The following TSNARE1 variants were observed in gnomAD, a reference collection of about 807,000 sequenced individuals.
TSNARE1 encodes t-SNARE domain containing 1.
TSNARE1 carries 49 observed loss-of-function variants against 62.0 expected under a neutral mutation model. That is an observed-to-expected ratio of 0.79 (90% confidence interval 0.63 to 1.00). The LOEUF (loss-of-function observed/expected upper bound fraction) is 1.00. Ranked by LOEUF, TSNARE1 falls within the 50% of genes least tolerant of loss-of-function variation. The pLI is 0.00. For synonymous variants in TSNARE1, 328 were observed against 294.4 expected (o/e 1.11, Z -1.17); for missense variants, 755 against 700.1 (o/e 1.08, Z -0.88).
Position 142,380,113 on chromosome 8 carries a change from A to G in TSNARE1, c.-40+22991T>C, listed in dbSNP as rs535819697. Among the ~76,000 whole-genome samples the G allele has an allele frequency of 1.3e-4, 20 of 152,330 alleles. 2 individuals are homozygous for G. The South Asian group carries it at 4.1e-3, about 32-fold the overall frequency. ...GGGAGGTGGGTGGACACCAAGGCCA[A>G]GCTTTGTCCAGGGCGTACCACGTCA... On this transcript the variant is annotated intron_variant, in intron 1 of 13. Coordinates refer to ENST00000524325, the MANE Select transcript of TSNARE1 (RefSeq NM_145003.5).
intron 10 of TSNARE1, among the ~76,000 whole-genome samples, chr8:142,287,195 C>T (rs1269354622): frequency 1.1e-4 from 17 of 148,076 alleles, no homozygotes; most frequent in Admixed American, 8.0e-4. Flanking sequence ...CCCAGGACCC[C>T]GGCCAGATCT....
At chr8:142,278,679 T>C (rs2130721837) in intron 11 of TSNARE1, 2 of 985,348 alleles carry the variant, frequency 2.0e-6, no homozygotes, top group South Asian at 4.7e-5. Context: ...AGACGAGGCC[T>C]GACCAGACAG....
At chr8:142,396,638 T>G (rs1587154457) in intron 1 of TSNARE1, among the ~76,000 whole-genome samples, 2 of 152,142 alleles carry the variant, frequency 1.3e-5, no homozygotes, top group Admixed American at 1.3e-4. Flanking sequence ...GATCGCCAGG[T>G]GGGCCGGGCA....
Position 142,236,480 on chromosome 8 carries a change from C to T in TSNARE1, c.1447-6901G>A, listed in dbSNP as rs141636537. Among the ~76,000 whole-genome samples, 27 of 152,248 alleles carry T rather than the reference C, an allele frequency of 1.8e-4. 2 individuals carry two copies. Among genetic ancestry groups the T allele is most frequent in the African/African-American group, 6.5e-4 (27 of 41,542 alleles). ...TCCCTATGCTAAGCAACCTCCCGGG[C>T]TCCTCAGGCATGAGAAATCCCCCAA... On this transcript the variant is annotated intron_variant, in intron 12 of 13. Coordinates refer to ENST00000524325, the MANE Select transcript of TSNARE1 (RefSeq NM_145003.5).
chr8:142,353,827 C>T (rs1366504981), intron 2 of TSNARE1, among the ~76,000 whole-genome samples: 1 of 152,082 alleles, frequency 6.6e-6, no homozygotes, highest in Non-Finnish European at 1.5e-5. Flanking sequence ...GCTCACTCCC[C>T]AGCAGAGAAG....
intron 1 of TSNARE1, among the ~76,000 whole-genome samples, chr8:142,389,081 G>A (rs888242144): frequency 2.6e-5 from 4 of 152,166 alleles, no homozygotes; most frequent in African/African-American, 9.7e-5. Context: ...AGGATAGAGA[G>A]CCCAGAAATA....
At chr8:142,357,037 G>C (rs773840743) in intron 1 of TSNARE1, among the ~76,000 whole-genome samples, 5 of 151,958 alleles carry the variant, frequency 3.3e-5, no homozygotes, top group Admixed American at 2.0e-4. Flanking sequence ...AGGCAGAGCG[G>C]GGGCCTCCAG....
At chr8:142,222,605 C>G (rs186081684) in intron 13 of TSNARE1, among the ~76,000 whole-genome samples, 8 of 32,374 alleles carry the variant, frequency 2.5e-4, no homozygotes, top group Non-Finnish European at 5.1e-4. Flanking sequence ...TTCATCCACT[C>G]ACTCATTCAT....
intron 6 of TSNARE1, among the ~76,000 whole-genome samples, chr8:142,330,129 G>A (rs1002717862): frequency 4.6e-5 from 7 of 152,354 alleles, no homozygotes; most frequent in East Asian, 1.9e-4. Context: ...TTGGAGCTGC[G>A]GGCATCCCGC....
At chr8:142,244,524 G>A (rs1189505773) in intron 12 of TSNARE1, among the ~76,000 whole-genome samples, 4 of 152,308 alleles carry the variant, frequency 2.6e-5, no homozygotes, top group Middle Eastern at 3.4e-3. Context: ...ACTCACCATC[G>A]TGAGGATAAG....
chr8:142,277,433 G>A (rs1418611251), intron 11 of TSNARE1: 3 of 985,260 alleles, frequency 3.0e-6, no homozygotes, highest in African/African-American at 1.7e-5. Context: ...CAGCCCCACA[G>A]CCGTGACCAG....
chr8:142,283,837 G>C (rs185831092), intron 11 of TSNARE1, among the ~76,000 whole-genome samples: 11 of 132,388 alleles, frequency 8.3e-5, no homozygotes, highest in African/African-American at 3.1e-4. Context: ...CTGTCAATGA[G>C]CAGAGGCAGG....
At chr8:142,352,762 A>C (rs1834271234) in intron 2 of TSNARE1, among the ~76,000 whole-genome samples, 1 of 152,228 alleles carries the variant, frequency 6.6e-6, no homozygotes. Context: ...ACGCATAAGC[A>C]AAACCGTGAA....
Position 142,354,620 on chromosome 8 carries a change from C to A in TSNARE1, c.88+17G>T. ...CATCCCCTCCTCCCCGCCCCCACTT[C>A]CAGCTACTATCATTACCTAGGGGCT... On this transcript the variant is annotated intron_variant, in intron 2 of 13. Transcript: ENST00000524325. The A allele has an allele frequency of 6.3e-7, 1 of 1,588,186 alleles. No homozygotes were observed. The highest frequency in any genetic ancestry group is 8.6e-7 in the Non-Finnish European group (1 of 1,159,078).
chr8:142,281,131 G>A (rs547436307), intron 11 of TSNARE1, among the ~76,000 whole-genome samples: 3 of 152,282 alleles, frequency 2.0e-5, no homozygotes, highest in African/African-American at 7.2e-5. Flanking sequence ...CCAAGGTGAG[G>A]CCACAGCTCA....
At chr8:142,285,723 G>A (rs746869275) in intron 10 of TSNARE1, among the ~76,000 whole-genome samples, 3 of 152,156 alleles carry the variant, frequency 2.0e-5, no homozygotes, top group Non-Finnish European at 2.9e-5. Context: ...GAACAGAAAC[G>A]TGGGCCAGGA....
intron 11 of TSNARE1, 134 bp from the exon 12 acceptor site, chr8:142,274,997 G>A (rs556577382): frequency 1.2e-5 from 17 of 1,375,684 alleles, no homozygotes; most frequent in South Asian, 8.7e-5. Flanking sequence ...AGGGATGGGC[G>A]CTGGGCTGCC....
At chr8:142,226,940 G>A (rs1378510057) in intron 13 of TSNARE1, among the ~76,000 whole-genome samples, 9 of 137,558 alleles carry the variant, frequency 6.5e-5, no homozygotes, top group African/African-American at 1.1e-4. Context: ...CAACCCCAGT[G>A]ACAGCCAGGA....
chr8:142,328,685 G>T (rs996517048), intron 6 of TSNARE1, among the ~76,000 whole-genome samples: 1 of 152,202 alleles, frequency 6.6e-6, no homozygotes, highest in Admixed American at 6.5e-5. Context: ...TCTCCAGATC[G>T]TGACGGCCCC....
Sources: allele counts gnomAD v4.1 joint callset (sites outside exome capture counted in the v4.1 genomes callset), GRCh38; gene constraint gnomAD v4.1.1; transcripts MANE v1.5; gene names NCBI Gene and HGNC (gene_info 2026-07-23, HGNC 2026-07-21).